The following IQCM variants were observed in gnomAD, a reference collection of about 807,000 sequenced individuals.
IQCM encodes IQ motif containing M.
Under a neutral mutation model 57.6 loss-of-function variants are expected in IQCM, and 45 were observed. The observed-to-expected ratio is 0.78, with a 90% CI of 0.62 to 1.00. The LOEUF is 1.00. Ranked by LOEUF, IQCM falls within the 50% of genes least tolerant of loss-of-function variation. The probability of loss-of-function intolerance (pLI) is 0.00; values close to 1 mark genes in which losing one functional copy is unlikely to be tolerated. For missense variants in IQCM, 468 were observed against 511.6 expected (o/e 0.91, Z 0.82); for synonymous variants, 148 against 158.9 (o/e 0.93, Z 0.51).
chr4:149,562,255 A>G (rs575401815), intron 10 of IQCM, among the ~76,000 whole-genome samples: 2 of 152,336 alleles, frequency 1.3e-5, no homozygotes, highest in East Asian at 1.9e-4. Context: ...GTCTGCAGGC[A>G]TGGAGATCAA....
At chr4:149,400,763 A>G (rs1732563976) in intron 13 of IQCM, among the ~76,000 whole-genome samples, 1 of 151,976 alleles carries the variant, frequency 6.6e-6, no homozygotes, top group Non-Finnish European at 1.5e-5. Flanking sequence ...AAAGTTTAAC[A>G]TGATAAATTA....
chr4:149,522,637 G>A (rs1443347977), intron 12 of IQCM, among the ~76,000 whole-genome samples: 1 of 151,944 alleles, frequency 6.6e-6, no homozygotes, highest in Non-Finnish European at 1.5e-5. Context: ...GGGAGAAGGA[G>A]GAATTAATAT....
rs560264587 is a variant in IQCM at position 149,557,576 on chromosome 4, C to T, written c.949-4289G>A. On this transcript the variant is annotated intron_variant, in intron 10 of 13. Coordinates refer to ENST00000636793, the MANE Select transcript of IQCM (RefSeq NM_001363507.2). ...CCTCAATCTCCTCGAACATTCAAACCCATCTAAATGCTTACTCTCACCAAA... is the reference window on the plus strand; with the variant it reads ...CCTCAATCTCCTCGAACATTCAAACTCATCTAAATGCTTACTCTCACCAAA... Among the ~76,000 whole-genome samples the T allele has an allele frequency of 6.6e-5, 10 of 152,208 alleles. No homozygotes were observed. The East Asian group carries it at 1.7e-3, about 26-fold the overall frequency.
intron 13 of IQCM, among the ~76,000 whole-genome samples, chr4:149,369,217 G>T (rs1208465469): frequency 1.3e-5 from 2 of 150,698 alleles, no homozygotes; most frequent in Non-Finnish European, 3.0e-5. Flanking sequence ...TCTAATTTTT[G>T]TATTTTTGTA....
chr4:149,606,012 C>T (rs1187405496), intron 8 of IQCM, among the ~76,000 whole-genome samples: 4 of 152,184 alleles, frequency 2.6e-5, no homozygotes, highest in African/African-American at 7.2e-5. Flanking sequence ...ATCCACAGCT[C>T]TGATAGGACA....
chr4:149,359,429 A>T (rs976677564), intron 13 of IQCM, among the ~76,000 whole-genome samples: 1 of 152,152 alleles, frequency 6.6e-6, no homozygotes, highest in African/African-American at 2.4e-5. Context: ...GGAAAATATT[A>T]TTTATGTAAA....
chr4:149,707,988 TC>T (rs1321256794), intron 5 of IQCM, among the ~76,000 whole-genome samples: 1 of 152,036 alleles, frequency 6.6e-6, no homozygotes, highest in Non-Finnish European at 1.5e-5. Context: ...TTTGCAATCT[TC>T]CTTCTTCCAG....
At chr4:149,663,938 C>A (rs1760457052) in intron 7 of IQCM, among the ~76,000 whole-genome samples, 1 of 152,068 alleles carries the variant, frequency 6.6e-6, no homozygotes, top group African/African-American at 2.4e-5. Context: ...CATTTCTTCC[C>A]CCAGCATCCC....
intron 13 of IQCM, among the ~76,000 whole-genome samples, chr4:149,427,092 C>T (rs988193958): frequency 1.4e-4 from 21 of 151,608 alleles, no homozygotes; most frequent in African/African-American, 4.6e-4. Context: ...GATGTTCTTC[C>T]TAGATTTTTT....
At chr4:149,806,646 A>G (rs1774106863) in intron 2 of IQCM, among the ~76,000 whole-genome samples, 1 of 151,996 alleles carries the variant, frequency 6.6e-6, no homozygotes, top group Non-Finnish European at 1.5e-5. Flanking sequence ...CCCTGGTTAC[A>G]TTTTATTAAA....
rs1157862146 is a variant in IQCM, at chr4:149,492,859, T to C, written c.1228+55596A>G. On this transcript the variant is annotated intron_variant, in intron 12 of 13. Transcript: ENST00000636793. ...AACTAGCCCAGACTGAAAACAGGTA[T>C]AAAAAAGAAGGAAGAAGTCCCCAAA... Among the ~76,000 whole-genome samples, 4 of 151,994 alleles carry C rather than the reference T, an allele frequency of 2.6e-5. No individual in the cohort carries two copies. The East Asian group carries it at 5.8e-4, about 22-fold the overall frequency.
chr4:149,750,057 G>GA (rs1768285566), intron 2 of IQCM, among the ~76,000 whole-genome samples: 1 of 152,122 alleles, frequency 6.6e-6, no homozygotes, highest in African/African-American at 2.4e-5. Flanking sequence ...TATTTATTTG[G>GA]AAATCCCGCT....
intron 5 of IQCM, among the ~76,000 whole-genome samples, chr4:149,718,824 G>T (rs1048675938): frequency 2.0e-5 from 3 of 152,004 alleles, no homozygotes; most frequent in African/African-American, 7.2e-5. Context: ...ATCTCCCTTT[G>T]CCTCTCTTTT....
chr4:149,615,576 C>A (rs1007922171), intron 8 of IQCM, among the ~76,000 whole-genome samples: 1 of 151,978 alleles, frequency 6.6e-6, no homozygotes, highest in Admixed American at 6.6e-5. Context: ...ACATATAGCA[C>A]TATTGATTTT....
At chr4:149,569,253 C>T (rs1750931267) in intron 9 of IQCM, among the ~76,000 whole-genome samples, 1 of 152,164 alleles carries the variant, frequency 6.6e-6, no homozygotes, top group Non-Finnish European at 1.5e-5. Context: ...GATGCATATA[C>T]TTAGGTTTAT....
At chr4:149,751,773 G>T (rs568453635) in intron 2 of IQCM, among the ~76,000 whole-genome samples, 1 of 152,156 alleles carries the variant, frequency 6.6e-6, no homozygotes, top group East Asian at 1.9e-4. Flanking sequence ...AACCAGAGAT[G>T]ATATGTAAAA....
intron 13 of IQCM, among the ~76,000 whole-genome samples, chr4:149,375,471 T>C (rs1730647171): frequency 6.6e-6 from 1 of 152,296 alleles, no homozygotes; most frequent in Non-Finnish European, 1.5e-5. Flanking sequence ...TAGTTTCTAC[T>C]TTTTGTTTCT....
intron 12 of IQCM, among the ~76,000 whole-genome samples, chr4:149,443,109 T>C (rs1736139157): frequency 1.3e-5 from 2 of 152,176 alleles, no homozygotes; most frequent in South Asian, 4.1e-4. Context: ...GCATGGCTGA[T>C]GTTACTATTC....
chr4:149,758,617 C>T (rs961072479), intron 2 of IQCM, among the ~76,000 whole-genome samples: 1 of 152,082 alleles, frequency 6.6e-6, no homozygotes, highest in Non-Finnish European at 1.5e-5. Context: ...ACAAAGAATT[C>T]TCAAAACTCA....
Sources: allele counts gnomAD v4.1 joint callset (sites outside exome capture counted in the v4.1 genomes callset), GRCh38; gene constraint gnomAD v4.1.1; transcripts MANE v1.5; gene names NCBI Gene and HGNC (gene_info 2026-07-23, HGNC 2026-07-21).